The following CA10 variants were observed in gnomAD, a reference collection of about 807,000 sequenced individuals.
The protein encoded by CA10 is carbonic anhydrase 10 (inactive).
CA10 carries 14 observed loss-of-function variants against 44.2 expected under a neutral mutation model. That is an observed-to-expected ratio of 0.32 (90% CI 0.21 to 0.50). CA10 has a LOEUF of 0.50. Ranked by LOEUF, CA10 falls within the 20% of genes least tolerant of loss-of-function variation. The pLI is 0.99. For synonymous variants in CA10, 159 were observed against 141.6 expected, an observed-to-expected ratio of 1.12 and a Z score of -0.87; for missense variants, 350 against 409.7, an observed-to-expected ratio of 0.85 and a Z score of 1.26.
intron 2 of CA10, among the ~76,000 whole-genome samples, chr17:51,960,292 C>T (rs1983838534): frequency 6.6e-6 from 1 of 151,880 alleles, no homozygotes; most frequent in South Asian, 2.1e-4. Context: ...ACATGTCTTA[C>T]ATTTGTGTTA....
chr17:51,989,857 T>C lies in CA10; in HGVS notation c.137-58725A>G, dbSNP rs567749208. ...GTTTTCTGCTGTAATCCTCTCTTCA[T>C]GTCCATCATTCCTCCAAAAAGCAAT... On this transcript the variant is annotated intron_variant, in intron 2 of 8. Transcript: ENST00000451037. 3.0e-4 allele frequency among the ~76,000 whole-genome samples: 45 copies of C among 152,302 alleles called. No homozygotes were observed. In the South Asian group the frequency reaches 7.9e-3, roughly 27 times the overall value.
chr17:52,138,639 A>G (rs768423815), intron 1 of CA10, among the ~76,000 whole-genome samples: 5 of 152,234 alleles, frequency 3.3e-5, no homozygotes, highest in Admixed American at 6.5e-5. Flanking sequence ...GGTTGGTAGC[A>G]GCAGTGTCCA....
chr17:51,936,569 G>A (rs76108620), intron 2 of CA10, among the ~76,000 whole-genome samples: 5,751 of 151,750 alleles, frequency 0.038, 133 homozygotes, highest in East Asian at 0.052. Flanking sequence ...GAAGTCAGTC[G>A]ACTTGAGCCT....
At chr17:51,693,111 T>G (rs1567805650) in intron 4 of CA10, among the ~76,000 whole-genome samples, 1 of 152,210 alleles carries the variant, frequency 6.6e-6, no homozygotes, top group African/African-American at 2.4e-5. Context: ...TTTGGACTAG[T>G]TTCAGCAGGG....
At chr17:52,014,830 C>G (rs760837574) in intron 2 of CA10, among the ~76,000 whole-genome samples, 1 of 151,930 alleles carries the variant, frequency 6.6e-6, no homozygotes, top group African/African-American at 2.4e-5. Context: ...ACTTGTGATT[C>G]AGAGAAATGC....
chr17:51,969,243 C>T (rs1984190921), intron 2 of CA10, among the ~76,000 whole-genome samples: 1 of 151,892 alleles, frequency 6.6e-6, no homozygotes, highest in Non-Finnish European at 1.5e-5. Context: ...AATTATTTAC[C>T]ATCTTCTCTG....
chr17:51,851,599 G>A (rs1297649167), intron 3 of CA10, among the ~76,000 whole-genome samples: 1 of 152,142 alleles, frequency 6.6e-6, no homozygotes, highest in East Asian at 1.9e-4. Flanking sequence ...TTAAAATTCT[G>A]TATTGAAGCA....
At chr17:51,743,650 G>A (rs1009333911) in intron 4 of CA10, among the ~76,000 whole-genome samples, 9 of 152,270 alleles carry the variant, frequency 5.9e-5, no homozygotes, top group Admixed American at 3.3e-4. Context: ...TTCAGATAAC[G>A]ACTGTTGCAC....
At chr17:51,637,151 ATTGT>A (rs1362464161) in intron 6 of CA10, among the ~76,000 whole-genome samples, 2 of 151,066 alleles carry the variant, frequency 1.3e-5, no homozygotes, top group African/African-American at 4.9e-5. Context: ...TTAGCACGTG[ATTGT>A]TCTCTTCTGC....
At chr17:51,726,335 T>C (rs549821662) in intron 4 of CA10, among the ~76,000 whole-genome samples, 17 of 152,290 alleles carry the variant, frequency 1.1e-4, no homozygotes, top group Admixed American at 1.1e-3. Context: ...TCAGTTTAGA[T>C]AGGAGGAATA....
At chr17:51,799,349 C>T (rs1906839135) in intron 3 of CA10, among the ~76,000 whole-genome samples, 2 of 152,140 alleles carry the variant, frequency 1.3e-5, no homozygotes, top group South Asian at 4.1e-4. Context: ...GCTCATGTTT[C>T]TGTGGTTATC....
At chr17:51,977,276 C>A (rs929216743) in intron 2 of CA10, among the ~76,000 whole-genome samples, 5 of 151,636 alleles carry the variant, frequency 3.3e-5, no homozygotes, top group African/African-American at 1.2e-4. Flanking sequence ...AACCCAGACA[C>A]AAAAATTCTT....
At chr17:51,924,438 G>A (rs900910666) in intron 3 of CA10, among the ~76,000 whole-genome samples, 4 of 152,150 alleles carry the variant, frequency 2.6e-5, no homozygotes, top group Non-Finnish European at 5.9e-5. Context: ...GCAATTAAGA[G>A]TTTTATTAGC....
intron 2 of CA10, among the ~76,000 whole-genome samples, chr17:52,005,716 T>G (rs548446387): frequency 1.3e-5 from 2 of 152,052 alleles, no homozygotes; most frequent in East Asian, 3.9e-4. Flanking sequence ...AAAAAGATCC[T>G]TTTACATCCT....
At position 52,066,436 on chromosome 17, in the gene CA10, G is replaced by A. The variant is rs143927000; in HGVS notation, c.136+5883C>T. On this transcript the variant is annotated intron_variant, in intron 2 of 8. Coordinates refer to ENST00000451037, the MANE Select transcript of CA10 (RefSeq NM_020178.5). ...ATTGTAATAATCTCCACATGTCAAC[G>A]GCAGGGCCAGGTGGAGATAATTGAA... is the stretch of plus-strand genomic sequence containing the variant. 1.3e-3 allele frequency among the ~76,000 whole-genome samples: 197 copies of A among 152,262 alleles called. 5 individuals carry two copies. In the South Asian group the frequency reaches 0.022, roughly 17 times the overall value.
intron 4 of CA10, among the ~76,000 whole-genome samples, chr17:51,679,421 A>G (rs548842601): frequency 2.6e-4 from 40 of 151,730 alleles, no homozygotes; most frequent in Non-Finnish European, 4.4e-4. Flanking sequence ...CACCACGCCC[A>G]GCTAATTCCT....
intron 2 of CA10, among the ~76,000 whole-genome samples, chr17:51,997,096 T>C (rs1501252): frequency 0.12 from 18,995 of 152,046 alleles, 1,229 homozygotes; most frequent in South Asian, 0.23. Flanking sequence ...AGCCTTTAAG[T>C]TTTGGCTTAT....
intron 1 of CA10, among the ~76,000 whole-genome samples, chr17:52,106,089 C>T (rs1214437934): frequency 6.6e-6 from 1 of 152,188 alleles, no homozygotes; most frequent in Non-Finnish European, 1.5e-5. Context: ...CTTTCTTGTG[C>T]TTATTTCTTA....
At chr17:51,661,205 G>A (rs914267562) in intron 4 of CA10, among the ~76,000 whole-genome samples, 2 of 148,412 alleles carry the variant, frequency 1.3e-5, no homozygotes, top group African/African-American at 2.5e-5. Context: ...CCTATACCTG[G>A]TACATATTAA....
Sources: allele counts gnomAD v4.1 joint callset (sites outside exome capture counted in the v4.1 genomes callset), GRCh38; gene constraint gnomAD v4.1.1; transcripts MANE v1.5; gene names NCBI Gene and HGNC (gene_info 2026-07-23, HGNC 2026-07-21).